The following NAA60 variants were observed in gnomAD, a reference collection of about 807,000 sequenced individuals.
NAA60 encodes N-alpha-acetyltransferase 60, NatF catalytic subunit, also known as N-alpha-acetyltransferase 60.
Under a neutral mutation model 26.1 loss-of-function variants are expected in NAA60, and 8 were observed. The ratio of observed to expected loss-of-function variants is 0.31; its 90% CI spans 0.18 to 0.55. The LOEUF is 0.55. Ranked by LOEUF, NAA60 falls within the 20% of genes least tolerant of loss-of-function variation. The pLI is 0.93. For synonymous variants in NAA60, 131 were observed against 122.5 expected (o/e 1.07, Z -0.46); for missense variants, 290 against 311.3 (o/e 0.93, Z 0.51).
intron 2 of NAA60, among the ~76,000 whole-genome samples, chr16:3,453,975 T>C (rs998164844): frequency 6.6e-6 from 1 of 152,118 alleles, no homozygotes; most frequent in African/African-American, 2.4e-5. Context: ...GTGGTTGGAA[T>C]CACCTGGGGT....
chr16:3,469,325 T>A (rs7197970), intron 2 of NAA60, among the ~76,000 whole-genome samples: 1 of 91,792 alleles, frequency 1.1e-5, no homozygotes. Context: ...TTGCTGCTCC[T>A]CCCAGCACTG....
chr16:3,446,186 T>A (rs1306511571), intron 1 of NAA60, among the ~76,000 whole-genome samples: 1 of 152,198 alleles, frequency 6.6e-6, no homozygotes, highest in Non-Finnish European at 1.5e-5. Context: ...AATTATCTTT[T>A]TAAAAATAGT....
chr16:3,458,701 C>G (rs570675532), intron 2 of NAA60, among the ~76,000 whole-genome samples: 9 of 152,280 alleles, frequency 5.9e-5, no homozygotes, highest in African/African-American at 2.2e-4. Context: ...AAGCCAGGGG[C>G]TCCGTCTAGG....
chr16:3,450,025 C>T (rs535608351), intron 2 of NAA60: 28 of 363,932 alleles, frequency 7.7e-5, no homozygotes, highest in Admixed American at 5.7e-4. Context: ...ACTAATACAT[C>T]GTCTCAAAAA....
At chr16:3,474,706 C>G (rs989283710) in intron 2 of NAA60, among the ~76,000 whole-genome samples, 27 of 152,354 alleles carry the variant, frequency 1.8e-4, no homozygotes, top group African/African-American at 6.0e-4. Flanking sequence ...GCCTCCACAC[C>G]TTGCACCTGC....
At position 3,451,929 on chromosome 16, in the gene NAA60, T is replaced by A. The variant is rs182806407; in HGVS notation, c.-7+3389T>A. Among the ~76,000 whole-genome samples the A allele has an allele frequency of 1.1e-3, 170 of 148,210 alleles. 1 individual carries two copies. The East Asian group carries it at 0.03, about 26-fold the overall frequency. The stretch of plus-strand genomic sequence containing the variant: ...CAAGACCCTGTCTCAAAAAAAAAAA[T>A]GAGCATGGTGGCTCACACCAGTAAT... On this transcript the variant is annotated intron_variant, in intron 2 of 7. Transcript: ENST00000407558.
chr16:3,461,636 T>C (rs565184624), intron 2 of NAA60, among the ~76,000 whole-genome samples: 13 of 152,310 alleles, frequency 8.5e-5, no homozygotes, highest in African/African-American at 2.6e-4. Context: ...TGGAATAGCA[T>C]GTATTTTGTG....
chr16:3,446,522 CTCTG>C (rs1261458840), intron 1 of NAA60, among the ~76,000 whole-genome samples: 3 of 142,968 alleles, frequency 2.1e-5, no homozygotes, highest in Admixed American at 1.4e-4. Context: ...CAGAGTGAGA[CTCTG>C]TCTGAAAAAA....
intron 5 of NAA60, chr16:3,482,888 TCTG>T: frequency 3.8e-6 from 2 of 530,698 alleles, no homozygotes; most frequent in Non-Finnish European, 6.9e-6. Flanking sequence ...ACCTCTCACT[TCTG>T]CTGCCGCCAC....
Position 3,443,801 on chromosome 16 carries a change from G to A in NAA60, c.-113G>A, listed in dbSNP as rs2034437320. 6.5e-7 allele frequency: 1 copy of A among 1,534,894 alleles called. No individual in the cohort carries two copies. The highest frequency in any genetic ancestry group is 8.7e-7 in the Non-Finnish European group (1 of 1,146,476). On this transcript the variant is annotated 5_prime_UTR_variant, in exon 1 of 8. Transcript: ENST00000407558. ...AGAAGAAGGACAGAAAGAAGACTGG[G>A]AGACACCGGAACTCGAAAGAAAATC...
chr16:3,460,441 G>A (rs944315876), intron 2 of NAA60, among the ~76,000 whole-genome samples: 6 of 151,978 alleles, frequency 3.9e-5, no homozygotes, highest in Non-Finnish European at 5.9e-5. Context: ...TCGGCTCACC[G>A]CAACCTCCAC....
At chr16:3,457,618 C>G (rs1326400617) in intron 2 of NAA60, among the ~76,000 whole-genome samples, 1 of 152,242 alleles carries the variant, frequency 6.6e-6, no homozygotes, top group Non-Finnish European at 1.5e-5. Context: ...GGTGGTCGGC[C>G]AGGAGCCAGC....
At chr16:3,456,407 G>A (rs886186363) in intron 2 of NAA60, among the ~76,000 whole-genome samples, 3 of 152,070 alleles carry the variant, frequency 2.0e-5, no homozygotes, top group African/African-American at 7.2e-5. Context: ...CTAGCCAGTG[G>A]GAAAGGGGAG....
At chr16:3,474,898 A>G (rs2036381675) in intron 2 of NAA60, among the ~76,000 whole-genome samples, 10 of 152,202 alleles carry the variant, frequency 6.6e-5, no homozygotes, top group Admixed American at 6.5e-4. Flanking sequence ...AGTTCCTCCT[A>G]AAAAAGGAGG....
chr16:3,450,954 T>C (rs990909764), intron 2 of NAA60, among the ~76,000 whole-genome samples: 16 of 152,204 alleles, frequency 1.1e-4, no homozygotes, highest in Admixed American at 9.2e-4. Context: ...ACAAGCATTG[T>C]AAGTTAGAAG....
intron 2 of NAA60, among the ~76,000 whole-genome samples, chr16:3,457,287 AAAAC>A (rs1462467388): frequency 6.6e-6 from 1 of 150,930 alleles, no homozygotes; most frequent in Non-Finnish European, 1.5e-5. Flanking sequence ...TCCCTACAAA[AAAAC>A]AAAAAACCCA....
intron 2 of NAA60, among the ~76,000 whole-genome samples, chr16:3,449,194 G>C (rs574757664): frequency 6.6e-6 from 1 of 152,186 alleles, no homozygotes; most frequent in Non-Finnish European, 1.5e-5. Context: ...CCAACATGTT[G>C]AAACCCCATC....
intron 4 of NAA60, among the ~76,000 whole-genome samples, chr16:3,480,333 A>G (rs2036747257): frequency 6.6e-6 from 1 of 152,200 alleles, no homozygotes; most frequent in East Asian, 1.9e-4. Context: ...GCAGTGGCTC[A>G]TGCCTGTAAT....
intron 2 of NAA60, among the ~76,000 whole-genome samples, chr16:3,470,809 C>A (rs183407554): frequency 6.6e-6 from 1 of 152,356 alleles, no homozygotes; most frequent in East Asian, 1.9e-4. Flanking sequence ...TACAGCCATG[C>A]TCTTTGACCC....
Sources: gnomAD v4.1 joint callset for allele counts (sites outside exome capture counted in the v4.1 genomes callset) on GRCh38, gnomAD v4.1.1 for gene constraint, MANE v1.5 for transcripts, NCBI Gene and HGNC (gene_info 2026-07-23, HGNC 2026-07-21) for gene names.